Variants in EEF1AKMT1 observed in about 807,000 individuals in gnomAD.
The protein encoded by EEF1AKMT1 is EEF1A lysine methyltransferase 1.
EEF1AKMT1 carries 18 observed loss-of-function variants against 21.0 expected under a neutral mutation model. The ratio of observed to expected loss-of-function variants is 0.86; its 90% CI spans 0.59 to 1.27. The LOEUF (loss-of-function observed/expected upper bound fraction) is 1.27. EEF1AKMT1 is among the 50% of genes most tolerant of loss of function. The pLI is 0.00. For synonymous variants in EEF1AKMT1, 109 were observed against 94.8 expected, an observed-to-expected ratio of 1.15 and a Z score of -0.87; for missense variants, 246 against 258.6, an observed-to-expected ratio of 0.95 and a Z score of 0.33.
chr13:20,729,198 TG>T lies in EEF1AKMT1; in HGVS notation c.526del (p.Gln176ArgfsTer8). On this transcript the variant is annotated frameshift_variant, in exon 5 of 5. Transcript: ENST00000382758. LOFTEE classifies it low-confidence loss of function (END_TRUNC). Reference sequence around the variant, plus strand: ...CTTCACTCCAAGGAGTTCTGCTGCCTGTTCTTCCATGATGGCACCTGAAGAG... The same window carrying T: ...CTTCACTCCAAGGAGTTCTGCTGCCTTTCTTCCATGATGGCACCTGAAGAG... The part of the protein sequence containing the change: ...LLCTGAIMEE[Q>X]AAELLGVKMC... The T allele has an allele frequency of 1.2e-6, 2 of 1,614,186 alleles. No homozygotes were observed. Among genetic ancestry groups the T allele is most frequent in the Non-Finnish European group, 1.7e-6 (2 of 1,180,034 alleles).
chr13:20,736,052 GAAAT>G (rs781779870), intron 3 of EEF1AKMT1, among the ~76,000 whole-genome samples: 2 of 152,132 alleles, frequency 1.3e-5, no homozygotes, highest in Non-Finnish European at 2.9e-5. Context: ...AGTGGGGAAA[GAAAT>G]AATTTAAGAT....
intron 2 of EEF1AKMT1, among the ~76,000 whole-genome samples, chr13:20,742,686 C>T (rs1455757298): frequency 2.0e-5 from 3 of 152,206 alleles, no homozygotes; most frequent in African/African-American, 7.2e-5. Flanking sequence ...CAAAGTTGCT[C>T]CAACACCTAA....
rs750264269 is a variant in EEF1AKMT1 at position 20,757,637 on chromosome 13, T to C, written c.-19-20A>G. 1 of 1,584,684 alleles carries C rather than the reference T, an allele frequency of 6.3e-7. No homozygotes were observed. Among genetic ancestry groups the C allele is most frequent in the East Asian group, 2.2e-5 (1 of 44,460 alleles). On this transcript the variant is annotated intron_variant, in intron 1 of 4. Coordinates refer to ENST00000382758, the MANE Select transcript of EEF1AKMT1 (RefSeq NM_001318939.2). ...TATAACCTGCAGATCAAGAAATAAA[T>C]GTTCTGTGCAGATTTTGTTTCCCCT...
Position 20,731,824 on chromosome 13 carries a change from T to A in EEF1AKMT1, c.508+17A>T, listed in dbSNP as rs542049732. 2.5e-4 allele frequency: 407 copies of A among 1,600,108 alleles called. 3 individuals carry two copies. Among genetic ancestry groups the A allele is most frequent in the South Asian group, 1.7e-3 (154 of 89,352 alleles). On this transcript the variant is annotated intron_variant, in intron 4 of 4. Coordinates refer to ENST00000382758, the MANE Select transcript of EEF1AKMT1 (RefSeq NM_001318939.2). ...CACTGTCAGTGACTTTGATGAGATA[T>A]GAAATGCAGCACCTACCTGTGCACA...
chr13:20,739,278 A>G (rs1479300271), intron 2 of EEF1AKMT1, among the ~76,000 whole-genome samples: 1 of 152,314 alleles, frequency 6.6e-6, no homozygotes, highest in South Asian at 2.1e-4. Context: ...CCAAACAGTG[A>G]GCAGCAGTAA....
chr13:20,765,183 C>T (rs1485751541), intron 1 of EEF1AKMT1, among the ~76,000 whole-genome samples: 6 of 151,918 alleles, frequency 3.9e-5, no homozygotes, highest in Non-Finnish European at 5.9e-5. Flanking sequence ...ATCGCTTGAA[C>T]CCGGGAGGCA....
chr13:20,756,794 T>C (rs2058974185), intron 2 of EEF1AKMT1, among the ~76,000 whole-genome samples: 1 of 152,230 alleles, frequency 6.6e-6, no homozygotes, highest in Admixed American at 6.5e-5. Flanking sequence ...ACTTGTTTTT[T>C]CTACACTGTT....
At chr13:20,738,520 T>C (rs1461206454) in intron 2 of EEF1AKMT1, among the ~76,000 whole-genome samples, 4 of 152,220 alleles carry the variant, frequency 2.6e-5, no homozygotes, top group African/African-American at 9.6e-5. Context: ...GGGCAGCCAG[T>C]TGCATGGGGC....
chr13:20,732,856 A>G (rs1032698622), intron 3 of EEF1AKMT1, among the ~76,000 whole-genome samples: 1 of 151,590 alleles, frequency 6.6e-6, no homozygotes, highest in Admixed American at 6.6e-5. Flanking sequence ...ATAAACCCAA[A>G]TAACTCCCCA....
At chr13:20,762,162 G>T (rs9552274) in intron 1 of EEF1AKMT1, among the ~76,000 whole-genome samples, 56,195 of 147,970 alleles carry the variant, frequency 0.38, 11,682 homozygotes, top group East Asian at 0.76. Flanking sequence ...CATCTTTGAT[G>T]TATTTCATCA....
intron 1 of EEF1AKMT1, among the ~76,000 whole-genome samples, chr13:20,764,751 T>C (rs1347361978): frequency 1.3e-5 from 2 of 152,180 alleles, no homozygotes; most frequent in African/African-American, 4.8e-5. Context: ...TTTATCATTA[T>C]GTAATTCTGT....
intron 2 of EEF1AKMT1, among the ~76,000 whole-genome samples, chr13:20,740,512 A>T (rs1343976348): frequency 6.6e-6 from 1 of 152,212 alleles, no homozygotes; most frequent in East Asian, 1.9e-4. Context: ...ATTTACTAAA[A>T]ACCACTGACT....
At chr13:20,740,706 G>C (rs2058864875) in intron 2 of EEF1AKMT1, among the ~76,000 whole-genome samples, 1 of 152,208 alleles carries the variant, frequency 6.6e-6, no homozygotes, top group African/African-American at 2.4e-5. Context: ...GGGAGACTGA[G>C]GCAGGAGAAT....
intron 2 of EEF1AKMT1, among the ~76,000 whole-genome samples, chr13:20,743,480 T>C (rs970095825): frequency 6.6e-6 from 1 of 151,296 alleles, no homozygotes; most frequent in East Asian, 1.9e-4. Flanking sequence ...CAGGACTCAA[T>C]TTACATCTGT....
chr13:20,729,182 A>G lies in EEF1AKMT1; in HGVS notation c.543T>C (p.Leu181=). ...GAACAAACGTGCACATCTTCACTCC[A>G]AGGAGTTCTGCTGCCTGTTCTTCCA... ...AIMEEQAAEL[L]GVKMCTFVPR... The change falls in exon 5 of 5, where the codon CTT becomes CTC. Residue 181 remains leucine (L), a synonymous_variant. Transcript: ENST00000382758. 6.2e-7 allele frequency: 1 copy of G among 1,614,192 alleles called. No homozygotes were observed. The highest frequency in any genetic ancestry group is 8.5e-7 in the Non-Finnish European group (1 of 1,180,048).
intron 2 of EEF1AKMT1, among the ~76,000 whole-genome samples, chr13:20,742,006 G>C (rs182565399): frequency 6.6e-6 from 1 of 152,022 alleles, no homozygotes; most frequent in Non-Finnish European, 1.5e-5. Context: ...AATTATTCCT[G>C]TTACAAACAT....
chr13:20,762,607 G>T (rs745841093), intron 1 of EEF1AKMT1, among the ~76,000 whole-genome samples: 3 of 151,858 alleles, frequency 2.0e-5, no homozygotes, highest in Non-Finnish European at 2.9e-5. Context: ...ACAACCTTCT[G>T]GGCTCAAGTG....
chr13:20,758,770 T>C (rs1404216880), intron 1 of EEF1AKMT1, among the ~76,000 whole-genome samples: 2 of 152,130 alleles, frequency 1.3e-5, no homozygotes, highest in African/African-American at 2.4e-5. Context: ...GACTTCAAAC[T>C]ATACTACAAG....
chr13:20,760,392 A>G (rs2058995099), intron 1 of EEF1AKMT1, among the ~76,000 whole-genome samples: 1 of 152,212 alleles, frequency 6.6e-6, no homozygotes, highest in South Asian at 2.1e-4. Context: ...TTGCAGCAAC[A>G]TGGATGCAGC....
Sources: gnomAD v4.1 joint callset for allele counts (sites outside exome capture counted in the v4.1 genomes callset) on GRCh38, gnomAD v4.1.1 for gene constraint, MANE v1.5 for transcripts, NCBI Gene and HGNC (gene_info 2026-07-23, HGNC 2026-07-21) for gene names.